EDF1: variants seen among roughly 807,000 people sequenced by gnomAD.
EDF1 encodes the protein endothelial differentiation-related factor 1.
In EDF1, 5 loss-of-function variants were observed where a neutral mutation model predicts 20.8. The observed-to-expected ratio is 0.24, with a 90% CI of 0.13 to 0.51. The LOEUF is 0.51. Among genes scored for constraint, EDF1 ranks in the 20% least tolerant of loss-of-function variants. The pLI, the probability that EDF1 is intolerant of heterozygous loss-of-function variation, is 0.97. For missense variants in EDF1, 137 were observed against 197.8 expected (o/e 0.69, Z 1.84); for synonymous variants, 96 against 78.5 (o/e 1.22, Z -1.18).
Position 136,862,545 on chromosome 9 carries a change from A to C in EDF1, c.386-200T>G. On this transcript the variant is annotated intron_variant, in intron 4 of 4. Coordinates refer to ENST00000224073, the MANE Select transcript of EDF1 (RefSeq NM_003792.4). This position sits in a 1 kb window ranked among gnomAD's most constrained non-coding sequence, Gnocchi z 4.1. ...GATCACCTTAGACAGCAGAGCATGA[A>C]CACCCCTCTCCGGAAGAACCGGAGC... 1 of 1,599,668 alleles carries C rather than the reference A, an allele frequency of 6.3e-7. No individual in the cohort carries two copies. Among genetic ancestry groups the C allele is most frequent in the Non-Finnish European group, 8.5e-7 (1 of 1,177,642 alleles).
rs1407183171 is a variant in EDF1 at position 136,863,035 on chromosome 9, A to G, written c.292-36T>C. 1 of 1,611,230 alleles carries G rather than the reference A, an allele frequency of 6.2e-7. No individual in the cohort carries two copies. Among genetic ancestry groups the G allele is most frequent in the East Asian group, 2.2e-5 (1 of 44,882 alleles). On this transcript the variant is annotated intron_variant, in intron 3 of 4. Coordinates refer to ENST00000224073, the MANE Select transcript of EDF1 (RefSeq NM_003792.4). This position sits in a 1 kb window ranked among gnomAD's most constrained non-coding sequence, Gnocchi z 4.5. ...GATGTGCTTTATACACATCAGCTCC[A>G]CTAGGACTGCTGCAAAACCAGGCGC...
chr9:136,863,709 A>G lies in EDF1; in HGVS notation c.130+111T>C. On this transcript the variant is annotated intron_variant, in intron 2 of 4. Transcript: ENST00000224073. The surrounding 1 kb of genome is among the most constrained non-coding windows in gnomAD (Gnocchi z 4.5). ...CCAGGGCTCCGGCCAGCACCGGTGC[A>G]GGCAGGCACTCAGCTGACAACGTCC... 2 of 1,355,830 alleles carry G rather than the reference A, an allele frequency of 1.5e-6. No homozygotes were observed. Among genetic ancestry groups the G allele is most frequent in the East Asian group, 2.3e-5 (1 of 43,396 alleles). The allele number at this position is 1,355,830 out of a possible 1,614,324, so 84.0% of individuals were successfully genotyped here.
intron 1 of EDF1, among the ~76,000 whole-genome samples, chr9:136,864,511 C>G (rs912747943): frequency 6.6e-6 from 1 of 152,150 alleles, no homozygotes; most frequent in Non-Finnish European, 1.5e-5. Context: ...GAATCTGGTT[C>G]CTAGTAACAC....
Position 136,863,861 on chromosome 9 carries a change from G to T in EDF1, c.89C>A (p.Ala30Glu). Residue 30 changes from alanine to glutamate, a missense_variant, in exon 2 of 5, where the codon GCG (alanine) becomes GAG (glutamate). By Grantham distance (107) the Ala-to-Glu change is moderately radical (BLOSUM62 -1). Coordinates refer to ENST00000224073, the MANE Select transcript of EDF1 (RefSeq NM_003792.4). The surrounding 1 kb of genome is among the most constrained non-coding windows in gnomAD (Gnocchi z 4.5). ...CACATCTTCTCCTCGTCTCTGTGCC[G>T]CTAAGATAGCCTAGAAAATTAGAAA... is the stretch of plus-strand genomic sequence containing the variant. ...AQAKSKQAIL[A>E]AQRRGEDVET... 6.2e-7 allele frequency: 1 copy of T among 1,613,800 alleles called. No homozygotes were observed. Among genetic ancestry groups the T allele is most frequent in the Non-Finnish European group, 8.5e-7 (1 of 1,179,980 alleles).
In EDF1 at chr9:136,863,307, G is replaced by C; in HGVS notation, c.272C>G (p.Thr91Arg). 6.2e-7 allele frequency: 1 copy of C among 1,613,506 alleles called. No individual in the cohort carries two copies. Among genetic ancestry groups the C allele is most frequent in the East Asian group, 2.2e-5 (1 of 44,882 alleles). The change falls in exon 3 of 5, where the codon ACG becomes AGG. Residue 91 changes from threonine (T) to arginine (R), a missense_variant. By Grantham distance (71) the Thr-to-Arg change is moderately conservative (BLOSUM62 -1). Transcript: ENST00000224073. This position sits in a 1 kb window ranked among gnomAD's most constrained non-coding sequence, Gnocchi z 4.5. ...IQQGRQSKGLTQKDLATKINE... is the reference protein window; with the variant it reads ...IQQGRQSKGLRQKDLATKINE... ...CCTCACCGTGGCCAGGTCCTTCTGC[G>C]TAAGCCCCTTGCTCTGCCGACCTTG...
At position 136,863,592 on chromosome 9, in the gene EDF1, C is replaced by T; in HGVS notation, c.131-144G>A. 1.7e-6 allele frequency: 2 copies of T among 1,167,684 alleles called. No individual in the cohort carries two copies. The highest frequency in any genetic ancestry group is 2.4e-6 in the Non-Finnish European group (2 of 841,014). 72.3% of individuals were successfully genotyped at this position (1,167,684 alleles called of 1,614,324 possible). ...CAGGCTGTCCCAAGTTCACACACCT[C>T]AGGTCGTGGACTTCCAGAGTTTTCT... is the stretch of plus-strand genomic sequence containing the variant. On this transcript the variant is annotated intron_variant, in intron 2 of 4. Coordinates refer to ENST00000224073, the MANE Select transcript of EDF1 (RefSeq NM_003792.4). The surrounding 1 kb of genome is among the most constrained non-coding windows in gnomAD (Gnocchi z 4.5).
At position 136,862,687 on chromosome 9, in the gene EDF1, G is replaced by T; in HGVS notation, c.385+219C>A. ...GGCTGACGGGAACTGGCAAGGGGAA[G>T]GGACTCGGACTCCACTTGCTCTTAG... On this transcript the variant is annotated intron_variant, in intron 4 of 4. Transcript: ENST00000224073. The surrounding 1 kb of genome is among the most constrained non-coding windows in gnomAD (Gnocchi z 4.1). The T allele has an allele frequency of 6.7e-7, 1 of 1,493,766 alleles. No homozygotes were observed. Among genetic ancestry groups the T allele is most frequent in the South Asian group, 1.3e-5 (1 of 75,220 alleles). 92.5% of individuals were successfully genotyped at this position (1,493,766 alleles called of 1,614,324 possible).
At chr9:136,866,089 CT>C (rs1375964960) in intron 1 of EDF1, 91 bp downstream of exon 1, 2 of 1,341,720 alleles carry the variant, frequency 1.5e-6, no homozygotes, top group East Asian at 5.8e-5. Flanking sequence ...CAGGCCCCGC[CT>C]GCCCTTCCCC....
rs1313573761 is a variant in EDF1 at position 136,863,301 on chromosome 9, T to A, written c.278A>T (p.Lys93Met). The A allele has an allele frequency of 1.2e-6, 2 of 1,613,218 alleles. No homozygotes were observed. Among genetic ancestry groups the A allele is most frequent in the South Asian group, 1.1e-5 (1 of 91,072 alleles). ...QGRQSKGLTQKDLATKINEKP... is the reference protein window; with the variant it reads ...QGRQSKGLTQMDLATKINEKP... ...GCGCAGCCTCACCGTGGCCAGGTCC[T>A]TCTGCGTAAGCCCCTTGCTCTGCCG... Residue 93 changes from lysine (K) to methionine (M), a missense_variant, in exon 3 of 5, where the codon AAG (lysine) becomes ATG (methionine). Transcript: ENST00000224073. The surrounding 1 kb of genome is among the most constrained non-coding windows in gnomAD (Gnocchi z 4.5).
Position 136,862,131 on chromosome 9 carries a change from T to A in EDF1, c.*153A>T. On this transcript the variant is annotated 3_prime_UTR_variant, in exon 5 of 5. Coordinates refer to ENST00000224073, the MANE Select transcript of EDF1 (RefSeq NM_003792.4). The surrounding 1 kb of genome is among the most constrained non-coding windows in gnomAD (Gnocchi z 4.1). The stretch of plus-strand genomic sequence containing the variant: ...CAGCAGAACCCAGCGCTTTGCAAGG[T>A]TTTGTTTGTTTGACAGCAGGAATGG... The A allele has an allele frequency of 1.0e-6, 1 of 979,596 alleles. No individual in the cohort carries two copies. Among genetic ancestry groups the A allele is most frequent in the Non-Finnish European group, 1.6e-6 (1 of 632,762 alleles). The allele number at this position is 979,596 out of a possible 1,614,324, so 60.7% of individuals were successfully genotyped here.
In EDF1 at chr9:136,862,831, A is replaced by C. The variant is rs369837388; in HGVS notation, c.385+75T>G. 1 of 1,611,228 alleles carries C rather than the reference A, an allele frequency of 6.2e-7. No homozygotes were observed. Among genetic ancestry groups the C allele is most frequent in the Non-Finnish European group, 8.5e-7 (1 of 1,179,790 alleles). On this transcript the variant is annotated intron_variant, in intron 4 of 4. Coordinates refer to ENST00000224073, the MANE Select transcript of EDF1 (RefSeq NM_003792.4). This position sits in a 1 kb window ranked among gnomAD's most constrained non-coding sequence, Gnocchi z 4.1. ...GGGCCATCTTCTTCCCCCGAGTCCCACTCTCACCAACCCCAGCTGGGAGCG... is the reference window on the plus strand; with the variant it reads ...GGGCCATCTTCTTCCCCCGAGTCCCCCTCTCACCAACCCCAGCTGGGAGCG...
Position 136,863,135 on chromosome 9 carries a change from A to G in EDF1, c.292-136T>C. ...CACACGCAGCTGGGTTTTGTGCGAG[A>G]GGCAGTGAGAGCCGGGCTGACCTGG... On this transcript the variant is annotated intron_variant, in intron 3 of 4. Coordinates refer to ENST00000224073, the MANE Select transcript of EDF1 (RefSeq NM_003792.4). The surrounding 1 kb of genome is among the most constrained non-coding windows in gnomAD (Gnocchi z 4.5). 1 of 1,506,292 alleles carries G rather than the reference A, an allele frequency of 6.6e-7. No individual in the cohort carries two copies. The highest frequency in any genetic ancestry group is 9.0e-7 in the Non-Finnish European group (1 of 1,105,130). 93.3% of individuals were successfully genotyped at this position (1,506,292 alleles called of 1,614,324 possible).
chr9:136,865,404 A>G (rs1849195677), intron 1 of EDF1, among the ~76,000 whole-genome samples: 1 of 151,922 alleles, frequency 6.6e-6, no homozygotes, highest in African/African-American at 2.4e-5. Flanking sequence ...GCAGTATCTG[A>G]CCAGCGGAGA....
chr9:136,866,041 G>T (rs1195909057), intron 1 of EDF1, 140 bp downstream of exon 1: 3 of 239,754 alleles, frequency 1.3e-5, no homozygotes, highest in African/African-American at 1.2e-4. Context: ...TCCTGCCCCC[G>T]GCACCCCAGC....
rs200900267 is a variant in EDF1 at position 136,863,805 on chromosome 9, A to C, written c.130+15T>G. 3.1e-4 allele frequency: 507 copies of C among 1,613,880 alleles called. No homozygotes were observed. The African/African-American group carries it at 6.0e-3, about 19-fold the overall frequency. On this transcript the variant is annotated intron_variant, in intron 2 of 4. Coordinates refer to ENST00000224073, the MANE Select transcript of EDF1 (RefSeq NM_003792.4). The surrounding 1 kb of genome is among the most constrained non-coding windows in gnomAD (Gnocchi z 4.5). Reference sequence around the variant, plus strand: ...AGCACAGCCTCATGTTGCAAGCGGAAACACAAGTACCTACATTTCTTGGAA... The same window carrying C: ...AGCACAGCCTCATGTTGCAAGCGGACACACAAGTACCTACATTTCTTGGAA...
chr9:136,862,474 A>G lies in EDF1; in HGVS notation c.386-129T>C. 6.2e-7 allele frequency: 1 copy of G among 1,613,040 alleles called. No homozygotes were observed. The highest frequency in any genetic ancestry group is 8.5e-7 in the Non-Finnish European group (1 of 1,179,872). On this transcript the variant is annotated intron_variant, in intron 4 of 4. Coordinates refer to ENST00000224073, the MANE Select transcript of EDF1 (RefSeq NM_003792.4). This position sits in a 1 kb window ranked among gnomAD's most constrained non-coding sequence, Gnocchi z 4.1. The stretch of plus-strand genomic sequence containing the variant: ...CCGTGCCTCACTGGGCTCTCAGCAC[A>G]CGAGCACTCCTGGTTCCCACATCTA...
At chr9:136,864,907 G>A (rs1370938981) in intron 1 of EDF1, among the ~76,000 whole-genome samples, 1 of 152,222 alleles carries the variant, frequency 6.6e-6, no homozygotes, top group Non-Finnish European at 1.5e-5. Flanking sequence ...ACAGGCGTGA[G>A]CCACCGCGCC....
At position 136,863,698 on chromosome 9, in the gene EDF1, A is replaced by T; in HGVS notation, c.130+122T>A. 1 of 1,284,458 alleles carries T rather than the reference A, an allele frequency of 7.8e-7. No homozygotes were observed. The highest frequency in any genetic ancestry group is 1.1e-6 in the Non-Finnish European group (1 of 902,788). The allele number at this position is 1,284,458 out of a possible 1,614,324, so 79.6% of individuals were successfully genotyped here. ...ATGGCTGCCTCCCAGGGCTCCGGCC[A>T]GCACCGGTGCAGGCAGGCACTCAGC... On this transcript the variant is annotated intron_variant, in intron 2 of 4. Transcript: ENST00000224073. The surrounding 1 kb of genome is among the most constrained non-coding windows in gnomAD (Gnocchi z 4.5).
rs368142655 is a variant in EDF1 at position 136,866,283 on chromosome 9, C to T, written c.-25G>A. On this transcript the variant is annotated 5_prime_UTR_variant, in exon 1 of 5. Coordinates refer to ENST00000224073, the MANE Select transcript of EDF1 (RefSeq NM_003792.4). ...TGGCGGGCGAAGACGAGCGTCCGTC[C>T]GGCGGCTCAGCGGCAGCTGCTAGAG... 1.9e-6 allele frequency: 3 copies of T among 1,592,332 alleles called. No homozygotes were observed. Among genetic ancestry groups the T allele is most frequent in the Non-Finnish European group, 2.6e-6 (3 of 1,173,426 alleles).
Sources: allele counts gnomAD v4.1 joint callset (sites outside exome capture counted in the v4.1 genomes callset), GRCh38; gene constraint gnomAD v4.1.1; non-coding constraint Gnocchi (gnomAD v3.1); transcripts MANE v1.5; gene names NCBI Gene and HGNC (gene_info 2026-07-23, HGNC 2026-07-21).